SNX9: variants seen among roughly 807,000 people sequenced by gnomAD.
SNX9 encodes the protein sorting nexin-9.
Under a neutral mutation model 89.4 loss-of-function variants are expected in SNX9, and 44 were observed. The observed-to-expected ratio is 0.49, with a 90% CI of 0.39 to 0.63. SNX9 has a LOEUF of 0.63. SNX9 is among the 30% of genes least tolerant of loss of function. The pLI is 0.00. For missense variants in SNX9, 578 were observed against 736.1 expected, an observed-to-expected ratio of 0.79 and a Z score of 2.49; for synonymous variants, 236 against 247.8, an observed-to-expected ratio of 0.95 and a Z score of 0.45.
At chr6:157,870,266 C>T (rs1240493958) in intron 2 of SNX9, among the ~76,000 whole-genome samples, 2 of 146,600 alleles carry the variant, frequency 1.4e-5, no homozygotes, top group Non-Finnish European at 3.0e-5. Flanking sequence ...TCTCACATCC[C>T]CACGCTCATG....
rs572209866 is a variant in SNX9 at position 157,873,072 on chromosome 6, C to CTT, written c.100-15_100-14dup. On this transcript the variant is annotated intron_variant, in intron 2 of 17. Coordinates refer to ENST00000392185, the MANE Select transcript of SNX9 (RefSeq NM_016224.5). ...AGGAAATCTCAACTGTAATCTTTTT[C>CTT]TTTTTTTTTTTTTTTTGGTGACTTA... 3.7e-3 allele frequency: 4,815 copies of CTT among 1,315,672 alleles called. 1 individual carries two copies. The highest frequency in any genetic ancestry group is 7.1e-3 in the South Asian group (456 of 64,350). 81.5% of individuals were successfully genotyped at this position (1,315,672 alleles called of 1,614,324 possible).
chr6:157,893,951 C>T (rs1009656088), intron 4 of SNX9, among the ~76,000 whole-genome samples: 3 of 151,814 alleles, frequency 2.0e-5, no homozygotes, highest in Non-Finnish European at 4.4e-5. Flanking sequence ...CAAGAGAGTC[C>T]AGCTATAGAC....
chr6:157,831,591 C>T lies in SNX9; in HGVS notation c.12+8145C>T, dbSNP rs571121830. Among the ~76,000 whole-genome samples the T allele has an allele frequency of 1.7e-4, 26 of 152,268 alleles. No homozygotes were observed. In the South Asian group the frequency reaches 3.9e-3, roughly 23 times the overall value. The stretch of plus-strand genomic sequence containing the variant: ...GTTGCCTCCCCTGCCCCCACACAGT[C>T]CCCAGAGCACAGAGCCAGGCTCCCA... On this transcript the variant is annotated intron_variant, in intron 1 of 17. Coordinates refer to ENST00000392185, the MANE Select transcript of SNX9 (RefSeq NM_016224.5).
intron 1 of SNX9, among the ~76,000 whole-genome samples, chr6:157,847,486 A>C (rs193012716): frequency 2.2e-3 from 204 of 92,216 alleles, no homozygotes; most frequent in Non-Finnish European, 2.9e-3. Flanking sequence ...AAAGCTGAAT[A>C]ACCCAAATGC....
At chr6:157,900,520 G>C (rs545158158) in intron 5 of SNX9, among the ~76,000 whole-genome samples, 8 of 151,948 alleles carry the variant, frequency 5.3e-5, no homozygotes, top group East Asian at 3.9e-4. Context: ...AGCTGGGTCC[G>C]GGGGGGTCAC....
At chr6:157,941,247 C>T (rs1192587287) in intron 17 of SNX9, among the ~76,000 whole-genome samples, 1 of 152,106 alleles carries the variant, frequency 6.6e-6, no homozygotes, top group Non-Finnish European at 1.5e-5. Flanking sequence ...CAGCTCCTTC[C>T]CCCCGTCACA....
At position 157,823,291 on chromosome 6, in the gene SNX9, G is replaced by C. The variant is rs1166055315; in HGVS notation, c.-144G>C. ...CGGCTGGGCCTGAGCGTCGAGACTC[G>C]GGGCCGAGGCGGAGGAGCGGCCGCC... On this transcript the variant is annotated 5_prime_UTR_variant, in exon 1 of 18. Coordinates refer to ENST00000392185, the MANE Select transcript of SNX9 (RefSeq NM_016224.5). The surrounding 1 kb of genome is among the most constrained non-coding windows in gnomAD (Gnocchi z 4.6). The C allele has an allele frequency of 3.3e-6, 2 of 605,964 alleles. No individual in the cohort carries two copies. The highest frequency in any genetic ancestry group is 2.0e-5 in the African/African-American group (1 of 49,914). 37.5% of individuals were successfully genotyped at this position (605,964 alleles called of 1,614,324 possible).
At chr6:157,928,741 G>A in intron 12 of SNX9, 39 bp downstream of exon 12, 1 of 1,466,542 alleles carries the variant, frequency 6.8e-7, no homozygotes, top group Middle Eastern at 1.8e-4. Flanking sequence ...CTCGTAGGGG[G>A]TGATGCAGGC....
chr6:157,912,733 ATTTCT>A (rs1163368184), intron 9 of SNX9, among the ~76,000 whole-genome samples: 1 of 152,156 alleles, frequency 6.6e-6, no homozygotes, highest in Non-Finnish European at 1.5e-5. Flanking sequence ...TACAGTTAAC[ATTTCT>A]TTATTTGTTT....
chr6:157,914,575 C>T (rs555108588), intron 9 of SNX9, among the ~76,000 whole-genome samples: 2 of 147,068 alleles, frequency 1.4e-5, no homozygotes, highest in South Asian at 4.4e-4. Flanking sequence ...CTCCCGGGCT[C>T]AAGCAGTCTT....
chr6:157,898,706 T>C (rs3828707), intron 5 of SNX9, among the ~76,000 whole-genome samples: 34,741 of 152,112 alleles, frequency 0.23, 4,113 homozygotes, highest in African/African-American at 0.27. Context: ...AAGAAGGTAG[T>C]CTCCCATTAT....
intron 4 of SNX9, among the ~76,000 whole-genome samples, chr6:157,885,560 ATAT>A (rs1782717304): frequency 6.6e-6 from 1 of 152,294 alleles, no homozygotes; most frequent in Non-Finnish European, 1.5e-5. Context: ...TAAGAATCAG[ATAT>A]TATTTGCTTT....
At chr6:157,895,359 G>T (rs1583222861) in intron 4 of SNX9, among the ~76,000 whole-genome samples, 1 of 152,184 alleles carries the variant, frequency 6.6e-6, no homozygotes, top group African/African-American at 2.4e-5. Flanking sequence ...CCTGTTCTTA[G>T]TGAGTTTAGA....
intron 5 of SNX9, among the ~76,000 whole-genome samples, chr6:157,899,446 C>T (rs955984354): frequency 6.6e-6 from 1 of 152,158 alleles, no homozygotes; most frequent in Non-Finnish European, 1.5e-5. Context: ...AACATTCTTA[C>T]AGTCTGCATT....
In SNX9 at chr6:157,896,849, G is replaced by C; in HGVS notation, c.323G>C (p.Trp108Ser). The change falls in exon 5 of 18, where the codon TGG becomes TCG. Residue 108 changes from tryptophan to serine, a missense_variant. Trp to Ser is a radical substitution (Grantham distance 177). This residue lies in a region of SNX9 where 230 missense variants were observed against 244.7 expected (regional missense o/e 0.94). Coordinates refer to ENST00000392185, the MANE Select transcript of SNX9 (RefSeq NM_016224.5). ...TAGGTTGGCAGTGGCAATGACCCCT[G>C]GTCAGCCTGGAGTGCCTCCAAATCT... ...NHQVGSGNDP[W>S]SAWSASKSGN... 6.8e-6 allele frequency: 11 copies of C among 1,612,802 alleles called. No homozygotes were observed. Among genetic ancestry groups the C allele is most frequent in the Non-Finnish European group, 9.3e-6 (11 of 1,179,678 alleles).
At position 157,938,830 on chromosome 6, in the gene SNX9, A is replaced by G. The variant is rs375076415; in HGVS notation, c.1648+83A>G. The stretch of plus-strand genomic sequence containing the variant: ...TTTCCCTTGATAGAGAGAAATCCAG[A>G]TGTGAGCAGCAGTTAAGTAAGTGAG... On this transcript the variant is annotated intron_variant, in intron 16 of 17. Transcript: ENST00000392185. 613 of 989,664 alleles carry G rather than the reference A, an allele frequency of 6.2e-4. 11 individuals are homozygous for G. The South Asian group carries it at 8.7e-3, about 14-fold the overall frequency. The allele number at this position is 989,664 out of a possible 1,614,324, so 61.3% of individuals were successfully genotyped here.
intron 1 of SNX9, among the ~76,000 whole-genome samples, chr6:157,832,861 G>A (rs1781503012): frequency 6.6e-6 from 1 of 152,152 alleles, no homozygotes; most frequent in South Asian, 2.1e-4. Flanking sequence ...AACCATATCA[G>A]TCTGTTACTT....
intron 7 of SNX9, 41 bp downstream of exon 7, chr6:157,906,253 C>A: frequency 1.3e-6 from 2 of 1,510,610 alleles, no homozygotes; most frequent in Non-Finnish European, 1.8e-6. Context: ...TCTGATTAAG[C>A]TCTTTCTTAT....
rs1251614824 is a variant in SNX9, at chr6:157,827,000, CAT to C, written c.12+3561_12+3562del. On this transcript the variant is annotated intron_variant, in intron 1 of 17. Coordinates refer to ENST00000392185, the MANE Select transcript of SNX9 (RefSeq NM_016224.5). ...TATATTATAGTTTATATAATATATA[CAT>C]ATATATTATAGTTTATATAATATAT... 2.2e-4 allele frequency among the ~76,000 whole-genome samples: 6 copies of C among 27,218 alleles called. 1 individual carries two copies. In the East Asian group the frequency reaches 4.3e-3, roughly 20 times the overall value. The allele number at this position is 27,218 out of a possible 152,430, so 17.9% of individuals were successfully genotyped here.
Sources: allele counts gnomAD v4.1 joint callset (sites outside exome capture counted in the v4.1 genomes callset), GRCh38; gene constraint gnomAD v4.1.1; regional missense constraint gnomAD v4.1.1; non-coding constraint Gnocchi (gnomAD v3.1); transcripts MANE v1.5; gene names NCBI Gene and HGNC (gene_info 2026-07-23, HGNC 2026-07-21).